The following ACOT11 variants were observed in gnomAD, a reference collection of about 807,000 sequenced individuals.
ACOT11 encodes the protein acyl-CoA thioesterase 11.
Under a neutral mutation model 77.5 loss-of-function variants are expected in ACOT11, and 69 were observed. That is an observed-to-expected ratio of 0.89 (90% confidence interval 0.73 to 1.09). ACOT11 has a LOEUF of 1.09. ACOT11 is among the 50% of genes least tolerant of loss of function. The pLI, the probability that ACOT11 is intolerant of heterozygous loss-of-function variation, is 0.00. For synonymous variants in ACOT11, 279 were observed against 313.0 expected (o/e 0.89, Z 1.15); for missense variants, 766 against 813.7 (o/e 0.94, Z 0.71).
At chr1:54,553,423 G>A (rs1380264934) in intron 1 of ACOT11, among the ~76,000 whole-genome samples, 4 of 150,892 alleles carry the variant, frequency 2.7e-5, no homozygotes, top group Non-Finnish European at 5.9e-5. Context: ...AGCCGAGATC[G>A]CGCCACTGCA....
At chr1:54,623,481 G>T in intron 15 of ACOT11, 2 of 985,894 alleles carry the variant, frequency 2.0e-6, no homozygotes, top group South Asian at 1.4e-5. Context: ...TGGGAGGCAG[G>T]AGCTCCCAGC....
At position 54,623,185 on chromosome 1, in the gene ACOT11, A is replaced by C. The variant is rs557083701; in HGVS notation, c.1630-7549A>C. 66 of 836,008 alleles carry C rather than the reference A, an allele frequency of 7.9e-5. No individual in the cohort carries two copies. The South Asian group carries it at 1.0e-3, about 13-fold the overall frequency. The allele number at this position is 836,008 out of a possible 1,614,324, so 51.8% of individuals were successfully genotyped here. A position where few individuals can be genotyped will look rare whatever the true frequency, so the allele number is the denominator to read the frequency against. Reference sequence around the variant, plus strand: ...AGAGCAAAACTCCGTCTAAAAAAAAAAAAGGGACTGGTCAGAGCTGTAAGT... The same window carrying C: ...AGAGCAAAACTCCGTCTAAAAAAAACAAAGGGACTGGTCAGAGCTGTAAGT... On this transcript the variant is annotated intron_variant, in intron 15 of 16. Coordinates refer to the ACOT11 transcript ENST00000371316.
intron 10 of ACOT11, among the ~76,000 whole-genome samples, chr1:54,603,423 C>T (rs182490636): frequency 6.6e-6 from 1 of 152,324 alleles, no homozygotes; most frequent in East Asian, 1.9e-4. Context: ...ACTTTAGAGG[C>T]TGTAAGCACA....
intron 1 of ACOT11, among the ~76,000 whole-genome samples, chr1:54,576,252 C>G (rs987883283): frequency 6.6e-6 from 1 of 152,004 alleles, no homozygotes; most frequent in Admixed American, 6.6e-5. Flanking sequence ...GATTTGGGGC[C>G]GGGTGCAGTG....
At chr1:54,582,781 G>A (rs1183965909) in intron 1 of ACOT11, among the ~76,000 whole-genome samples, 2 of 152,162 alleles carry the variant, frequency 1.3e-5, no homozygotes, top group Non-Finnish European at 2.9e-5. Flanking sequence ...CCCTGTGTGT[G>A]TGTCCAGACT....
At chr1:54,551,875 G>C (rs1653083631) in intron 1 of ACOT11, among the ~76,000 whole-genome samples, 1 of 151,994 alleles carries the variant, frequency 6.6e-6, no homozygotes, top group African/African-American at 2.4e-5. Flanking sequence ...TCAGCCTCCG[G>C]AGTAGCTGGG....
chr1:54,617,090 T>G (rs2101021335), intron 15 of ACOT11, among the ~76,000 whole-genome samples: 1 of 152,346 alleles, frequency 6.6e-6, no homozygotes, highest in Non-Finnish European at 1.5e-5. Flanking sequence ...GTTGCCCATC[T>G]CACCACATCA....
chr1:54,632,470 C>T (rs1218399358), intron 16 of ACOT11, among the ~76,000 whole-genome samples: 2 of 152,296 alleles, frequency 1.3e-5, no homozygotes, highest in South Asian at 2.1e-4. Flanking sequence ...CAAATACATA[C>T]AGGAGTCATT....
intron 15 of ACOT11, among the ~76,000 whole-genome samples, chr1:54,619,470 G>T (rs1248985386): frequency 1.3e-5 from 2 of 152,288 alleles, no homozygotes; most frequent in East Asian, 3.9e-4. Context: ...GTAGTCCCAG[G>T]AGAACCTGTG....
intron 16 of ACOT11, among the ~76,000 whole-genome samples, chr1:54,632,398 C>T (rs115739870): frequency 2.2e-4 from 33 of 152,278 alleles, no homozygotes; most frequent in African/African-American, 4.6e-4. Flanking sequence ...GTCTGTGGAC[C>T]CTTGCCAGTG....
In ACOT11 at chr1:54,602,693, G is replaced by A. The variant is rs1643978587; in HGVS notation, c.1054G>A (p.Ala352Thr). The change falls in exon 10 of 16, where the codon GCC becomes ACC. Residue 352 changes from alanine (A) to threonine (T), a missense_variant. By Grantham distance (58) the Ala-to-Thr change is moderately conservative (BLOSUM62 0). Coordinates refer to ENST00000343744, the MANE Select transcript of ACOT11 (RefSeq NM_147161.4). ...PGDGERRYREASARKKIRLDR... is the reference protein window; with the variant it reads ...PGDGERRYRETSARKKIRLDR... ...GGATGGTGAGCGGCGGTACCGAGAG[G>A]CCAGTGCCAGAAAGAAGATCCGCCT... The A allele has an allele frequency of 6.4e-7, 1 of 1,558,034 alleles. No individual in the cohort carries two copies. Among genetic ancestry groups the A allele is most frequent in the Non-Finnish European group, 8.7e-7 (1 of 1,153,152 alleles).
chr1:54,612,194 G>A (rs1235846422), downstream of ACOT11, among the ~76,000 whole-genome samples: 3 of 151,968 alleles, frequency 2.0e-5, no homozygotes, highest in South Asian at 4.2e-4. Flanking sequence ...GTAGCCCCAG[G>A]GGTACAGCGG....
At chr1:54,614,784 C>T, downstream of ACOT11, 1 of 1,614,102 alleles carries the variant, frequency 6.2e-7, no homozygotes, top group East Asian at 2.2e-5. Flanking sequence ...CCGGACTTTG[C>T]CTTCCTCTGT....
rs972377701 is a variant in ACOT11 at position 54,627,898 on chromosome 1, G to A, written c.1630-2836G>A. Among the ~76,000 whole-genome samples the A allele has an allele frequency of 3.0e-5, 4 of 133,294 alleles. 1 individual carries two copies. Among genetic ancestry groups the A allele is most frequent in the Non-Finnish European group, 6.8e-5 (4 of 58,922 alleles). The allele number at this position is 133,294 out of a possible 152,430, so 87.4% of individuals were successfully genotyped here. A position where few individuals can be genotyped will look rare whatever the true frequency, so the allele number is the denominator to read the frequency against. ...AAGAGCCTGTTTGGGAGCGTGAGTG[G>A]TGTGGCTGGAGCAGCAGGTGGGAAA... On this transcript the variant is annotated intron_variant, in intron 15 of 16. Transcript: ENST00000371316.
chr1:54,616,400 A>G (rs535626794), intron 15 of ACOT11, among the ~76,000 whole-genome samples: 8 of 150,248 alleles, frequency 5.3e-5, no homozygotes, highest in Middle Eastern at 3.4e-3. Context: ...GTCTTGCTCT[A>G]TCGCCCAGGC....
chr1:54,592,524 C>T (rs1244296993), intron 3 of ACOT11, 22 bp from the exon 4 acceptor site: 23 of 1,608,378 alleles, frequency 1.4e-5, no homozygotes, highest in Non-Finnish European at 2.0e-5. Context: ...GGAAGGCTCA[C>T]CTCCTACTTT....
At chr1:54,616,084 G>C (rs753726688) in intron 15 of ACOT11, 35 of 1,613,362 alleles carry the variant, frequency 2.2e-5, no homozygotes, top group Middle Eastern at 3.3e-4. Context: ...TGTAGATAGT[G>C]GGGGGGTGTG....
At chr1:54,565,846 A>G (rs995041706) in intron 1 of ACOT11, among the ~76,000 whole-genome samples, 1 of 152,044 alleles carries the variant, frequency 6.6e-6, no homozygotes, top group African/African-American at 2.4e-5. Context: ...GCCCCTTCCA[A>G]CTGCTACCTT....
In ACOT11 at chr1:54,594,495, C is replaced by A; in HGVS notation, c.472-61C>A. The A allele has an allele frequency of 3.8e-6, 6 of 1,563,130 alleles. No homozygotes were observed. The Middle Eastern group carries it at 1.0e-3, about 267-fold the overall frequency. ...GGCATGGCATGGTGCTGGGGACAGGCCCTTGTGCTATTTCAGGAGACTTGC... is the reference window on the plus strand; with the variant it reads ...GGCATGGCATGGTGCTGGGGACAGGACCTTGTGCTATTTCAGGAGACTTGC... On this transcript the variant is annotated intron_variant, in intron 5 of 15. Coordinates refer to ENST00000343744, the MANE Select transcript of ACOT11 (RefSeq NM_147161.4).
Sources: allele counts gnomAD v4.1 joint callset (sites outside exome capture counted in the v4.1 genomes callset), GRCh38; gene constraint gnomAD v4.1.1; transcripts MANE v1.5; gene names NCBI Gene and HGNC (gene_info 2026-07-23, HGNC 2026-07-21).